SLCO3A1: variants seen among roughly 807,000 people sequenced by gnomAD.
The protein encoded by SLCO3A1 is PGE1 transporter.
SLCO3A1 carries 27 observed loss-of-function variants against 63.1 expected under a neutral mutation model. The observed-to-expected ratio is 0.43, with a 90% CI of 0.32 to 0.59. SLCO3A1 has a LOEUF of 0.59. Ranked by LOEUF, SLCO3A1 falls within the 20% of genes least tolerant of loss-of-function variation. The pLI, the probability that SLCO3A1 is intolerant of heterozygous loss-of-function variation, is 0.09. For missense variants in SLCO3A1, 773 were observed against 945.8 expected, an observed-to-expected ratio of 0.82 and a Z score of 2.40; for synonymous variants, 473 against 409.9, an observed-to-expected ratio of 1.15 and a Z score of -1.86.
intron 2 of SLCO3A1, among the ~76,000 whole-genome samples, chr15:91,920,508 G>T (rs141177815): frequency 6.6e-6 from 1 of 152,196 alleles, no homozygotes; most frequent in East Asian, 1.9e-4. Flanking sequence ...AACGGTTCAG[G>T]TCTGAGTTCT....
At chr15:92,114,128 TG>T (rs1366520807) in intron 4 of SLCO3A1, among the ~76,000 whole-genome samples, 2 of 152,290 alleles carry the variant, frequency 1.3e-5, no homozygotes, top group African/African-American at 4.8e-5. Flanking sequence ...GGGCATGTAA[TG>T]GCAGGGAACT....
intron 2 of SLCO3A1, among the ~76,000 whole-genome samples, chr15:91,940,555 G>A (rs538326933): frequency 1.3e-5 from 2 of 152,172 alleles, no homozygotes; most frequent in Non-Finnish European, 2.9e-5. Flanking sequence ...TAAACTGATG[G>A]CCCTTTTTGT....
At chr15:91,991,791 C>T (rs955173907) in intron 2 of SLCO3A1, among the ~76,000 whole-genome samples, 11 of 152,306 alleles carry the variant, frequency 7.2e-5, no homozygotes, top group East Asian at 3.9e-4. Flanking sequence ...GCTGCTGTCC[C>T]GCGCAGCCCA....
At position 91,954,771 on chromosome 15, in the gene SLCO3A1, T is replaced by G. The variant is rs1900114252; in HGVS notation, c.646+38313T>G. ...GAAGCACCCTCTGCTTCCTCCTTCCTTCTCCAACAGCAAGGATCCGAGGGG... is the reference window on the plus strand; with the variant it reads ...GAAGCACCCTCTGCTTCCTCCTTCCGTCTCCAACAGCAAGGATCCGAGGGG... On this transcript the variant is annotated intron_variant, in intron 2 of 9. Coordinates refer to ENST00000318445, the MANE Select transcript of SLCO3A1 (RefSeq NM_013272.4). This position sits in a 1 kb window ranked among gnomAD's most constrained non-coding sequence, Gnocchi z 4.7. Among the ~76,000 whole-genome samples the G allele has an allele frequency of 1.3e-5, 2 of 152,060 alleles. No homozygotes were observed. The highest frequency in any genetic ancestry group is 1.3e-4 in the Admixed American group (2 of 15,254).
At chr15:91,902,170 C>CT (rs1323978362) in intron 1 of SLCO3A1, among the ~76,000 whole-genome samples, 1 of 151,726 alleles carries the variant, frequency 6.6e-6, no homozygotes, top group South Asian at 2.1e-4. Context: ...CATTTGGTTC[C>CT]TTTTTTTAAG....
intron 2 of SLCO3A1, among the ~76,000 whole-genome samples, chr15:92,014,219 G>T (rs535679323): frequency 6.6e-6 from 1 of 152,104 alleles, no homozygotes; most frequent in East Asian, 1.9e-4. Context: ...CCTGATGGGC[G>T]TCTCACCTAG....
chr15:92,144,999 C>T (rs960351405), intron 7 of SLCO3A1, among the ~76,000 whole-genome samples: 1 of 152,102 alleles, frequency 6.6e-6, no homozygotes, highest in Non-Finnish European at 1.5e-5. Context: ...AAGGTACCAG[C>T]AACAAAGATG....
At chr15:92,091,827 C>T (rs2047481094) in intron 2 of SLCO3A1, among the ~76,000 whole-genome samples, 1 of 152,230 alleles carries the variant, frequency 6.6e-6, no homozygotes, top group Non-Finnish European at 1.5e-5. Flanking sequence ...CAACTCCGTC[C>T]TGTTCCTTTT....
At chr15:92,104,622 G>A in intron 4 of SLCO3A1, 80 bp downstream of exon 4, 1 of 1,420,098 alleles carries the variant, frequency 7.0e-7, no homozygotes, top group Non-Finnish European at 9.5e-7. Context: ...GTGGCACCCA[G>A]GACTGGGGTG....
intron 2 of SLCO3A1, among the ~76,000 whole-genome samples, chr15:92,029,751 G>A (rs2046622735): frequency 6.7e-6 from 1 of 148,520 alleles, no homozygotes; most frequent in Admixed American, 6.9e-5. Context: ...AAAAGGAAAG[G>A]TGAATGGCCT....
chr15:91,893,025 A>G (rs954412118), intron 1 of SLCO3A1, among the ~76,000 whole-genome samples: 46 of 152,246 alleles, frequency 3.0e-4, no homozygotes, highest in Admixed American at 2.7e-3. Flanking sequence ...TCTTCAATGC[A>G]TAAATGAGCC....
rs1597067412 is a variant in SLCO3A1, at chr15:91,863,809, A to G, written c.180+9721A>G. On this transcript the variant is annotated intron_variant, in intron 1 of 9. Coordinates refer to ENST00000318445, the MANE Select transcript of SLCO3A1 (RefSeq NM_013272.4). The surrounding 1 kb of genome is among the most constrained non-coding windows in gnomAD (Gnocchi z 4.3). ...CAAGACTCCTGACTTATTGTGTGGC[A>G]TGTCGTGTCGCCTCCCCAGTGCTGG... Among the ~76,000 whole-genome samples, 1 of 152,302 alleles carries G rather than the reference A, an allele frequency of 6.6e-6. No homozygotes were observed. Among genetic ancestry groups the G allele is most frequent in the Admixed American group, 6.5e-5 (1 of 15,296 alleles).
At chr15:92,008,192 A>G (rs1192485886) in intron 2 of SLCO3A1, among the ~76,000 whole-genome samples, 1 of 152,078 alleles carries the variant, frequency 6.6e-6, no homozygotes, top group Non-Finnish European at 1.5e-5. Context: ...CATAATTCAG[A>G]TTGCTATATT....
intron 5 of SLCO3A1, among the ~76,000 whole-genome samples, chr15:92,123,327 A>C (rs2047884938): frequency 6.6e-6 from 1 of 152,114 alleles, no homozygotes; most frequent in Admixed American, 6.5e-5. Flanking sequence ...GAATCGCTTG[A>C]ACCTGGGAGG....
At chr15:91,855,373 G>T (rs1438670965) in intron 1 of SLCO3A1, among the ~76,000 whole-genome samples, 8 of 152,092 alleles carry the variant, frequency 5.3e-5, no homozygotes, top group Admixed American at 5.2e-4. Context: ...TGAGAGAGGG[G>T]GTCTTCAAAC....
At chr15:92,135,640 ACTGT>A (rs1244156829) in intron 7 of SLCO3A1, among the ~76,000 whole-genome samples, 3 of 152,176 alleles carry the variant, frequency 2.0e-5, no homozygotes, top group Admixed American at 6.5e-5. Context: ...ATGACAGGAG[ACTGT>A]CTGAGGAACG....
intron 1 of SLCO3A1, chr15:91,889,292 GCAC>G (rs1897811340): frequency 4.0e-6 from 2 of 500,990 alleles, no homozygotes; most frequent in Non-Finnish European, 7.4e-6. Context: ...GGGCTTCATA[GCAC>G]CTGTAGGCCT....
At chr15:91,955,166 G>A (rs1900127858) in intron 2 of SLCO3A1, among the ~76,000 whole-genome samples, 2 of 152,152 alleles carry the variant, frequency 1.3e-5, no homozygotes, top group African/African-American at 2.4e-5. Flanking sequence ...TCCTGTTGTT[G>A]TTCTCAGCTT....
intron 2 of SLCO3A1, among the ~76,000 whole-genome samples, chr15:92,001,993 G>GGATCATTA (rs1034059302): frequency 2.6e-5 from 4 of 152,044 alleles, no homozygotes; most frequent in Non-Finnish European, 4.4e-5. Flanking sequence ...CTGCTTAAAA[G>GGATCATTA]GATCATTAGA....
Sources: gnomAD v4.1 joint callset for allele counts (sites outside exome capture counted in the v4.1 genomes callset) on GRCh38, gnomAD v4.1.1 for gene constraint, Gnocchi (gnomAD v3.1) non-coding constraint, MANE v1.5 for transcripts, NCBI Gene and HGNC (gene_info 2026-07-23, HGNC 2026-07-21) for gene names.